The following SOX6 variants were observed in gnomAD, a reference collection of about 807,000 sequenced individuals.
SOX6 encodes transcription factor SOX-6.
Under a neutral mutation model 97.8 loss-of-function variants are expected in SOX6, and 11 were observed. The observed-to-expected ratio is 0.11, with a 90% CI of 0.07 to 0.19. SOX6 has a LOEUF of 0.19. Among genes scored for constraint, SOX6 ranks in the 10% least tolerant of loss-of-function variants. The probability of loss-of-function intolerance (pLI) is 1.00; values close to 1 mark genes in which losing one functional copy is unlikely to be tolerated. For synonymous variants in SOX6, 360 were observed against 371.4 expected (o/e 0.97, Z 0.35); for missense variants, 810 against 1,039.5 (o/e 0.78, Z 3.04).
chr11:16,057,284 C>G (rs759777450), intron 9 of SOX6, among the ~76,000 whole-genome samples: 5 of 152,104 alleles, frequency 3.3e-5, no homozygotes, highest in Non-Finnish European at 7.4e-5. Context: ...TTAGTGTTTA[C>G]TGTTTTATAT....
intron 13 of SOX6, among the ~76,000 whole-genome samples, chr11:16,014,471 T>C (rs541095076): frequency 6.6e-6 from 1 of 152,230 alleles, no homozygotes; most frequent in East Asian, 1.9e-4. Context: ...TTGGATATGC[T>C]AAATATTCTG....
intron 13 of SOX6, among the ~76,000 whole-genome samples, chr11:15,993,035 C>T (rs541509342): frequency 2.0e-5 from 3 of 152,190 alleles, no homozygotes; most frequent in East Asian, 3.9e-4. Flanking sequence ...CTAAACTTTG[C>T]TTCTGAAACA....
intron 3 of SOX6, among the ~76,000 whole-genome samples, chr11:16,236,709 A>T (rs1853035601): frequency 6.6e-6 from 1 of 151,966 alleles, no homozygotes; most frequent in African/African-American, 2.4e-5. Flanking sequence ...GCATTTTAGG[A>T]TGTAAAACAG....
chr11:16,029,962 A>G (rs1286841272), intron 12 of SOX6, among the ~76,000 whole-genome samples: 1 of 152,226 alleles, frequency 6.6e-6, no homozygotes, highest in Non-Finnish European at 1.5e-5. Context: ...GATTAAATAA[A>G]ACTCATATTT....
intron 1 of SOX6, among the ~76,000 whole-genome samples, chr11:16,341,589 G>A (rs555306626): frequency 4.7e-4 from 72 of 152,158 alleles, no homozygotes; most frequent in South Asian, 3.7e-3. Flanking sequence ...CTTCTTGAAA[G>A]TATTTAGGGT....
chr11:16,645,340 G>T (rs963609721), intron 3 of SOX6, among the ~76,000 whole-genome samples: 44 of 152,146 alleles, frequency 2.9e-4, no homozygotes, highest in African/African-American at 1.0e-3. Context: ...CAGGTTCCTA[G>T]AATAGTTTTT....
At chr11:16,011,438 T>C (rs1292793349) in intron 13 of SOX6, among the ~76,000 whole-genome samples, 1 of 152,148 alleles carries the variant, frequency 6.6e-6, no homozygotes, top group Non-Finnish European at 1.5e-5. Flanking sequence ...AAATAACAGC[T>C]GGACTTTAAA....
chr11:16,474,832 G>T (rs966986278), intron 1 of SOX6, among the ~76,000 whole-genome samples: 1 of 152,058 alleles, frequency 6.6e-6, no homozygotes, highest in Non-Finnish European at 1.5e-5. Context: ...TTTCCTCTCT[G>T]GCCATCAAAG....
At chr11:16,538,453 A>G (rs900355769) in intron 4 of SOX6, among the ~76,000 whole-genome samples, 4 of 152,236 alleles carry the variant, frequency 2.6e-5, no homozygotes, top group African/African-American at 9.6e-5. Context: ...TCATAATGAC[A>G]GGATCAAATT....
chr11:16,709,902 C>G (rs1848164751), intron 3 of SOX6, among the ~76,000 whole-genome samples: 2 of 152,168 alleles, frequency 1.3e-5, no homozygotes, highest in Non-Finnish European at 2.9e-5. Flanking sequence ...TTCTCCTCTA[C>G]CAGCCATCCA....
chr11:16,555,490 T>C (rs1188672922), intron 4 of SOX6, among the ~76,000 whole-genome samples: 2 of 151,700 alleles, frequency 1.3e-5, no homozygotes, highest in Non-Finnish European at 3.0e-5. Flanking sequence ...CATGTGATAT[T>C]TTGATACCTG....
chr11:16,296,192 ATTATAAGTACTGAGTTT>A (rs2134266075), intron 3 of SOX6, among the ~76,000 whole-genome samples: 1 of 152,256 alleles, frequency 6.6e-6, no homozygotes, highest in African/African-American at 2.4e-5. Flanking sequence ...TCATAATTCA[ATTATAAGTACTGAGTTT>A]TAAGCCACAA....
chr11:16,601,308 G>C (rs1488355539), intron 4 of SOX6, among the ~76,000 whole-genome samples: 1 of 152,108 alleles, frequency 6.6e-6, no homozygotes, highest in African/African-American at 2.4e-5. Context: ...TAAGTTATCT[G>C]TGTTTTATCA....
chr11:16,010,301 A>G (rs1480920119), intron 13 of SOX6, among the ~76,000 whole-genome samples: 3 of 152,040 alleles, frequency 2.0e-5, no homozygotes, highest in African/African-American at 7.2e-5. Flanking sequence ...CTTGGTACAC[A>G]TATCTATTTC....
At chr11:16,640,795 C>T (rs1205184279) in intron 3 of SOX6, among the ~76,000 whole-genome samples, 1 of 152,044 alleles carries the variant, frequency 6.6e-6, no homozygotes, top group Non-Finnish European at 1.5e-5. Context: ...TTTAATTCTT[C>T]TCTCTTTTCT....
chr11:15,987,240 A>C (rs2119818810), intron 14 of SOX6, among the ~76,000 whole-genome samples: 1 of 152,292 alleles, frequency 6.6e-6, no homozygotes, highest in South Asian at 2.1e-4. Flanking sequence ...GATGTTAGCG[A>C]TTCTTCAGTG....
intron 6 of SOX6, among the ~76,000 whole-genome samples, chr11:16,183,582 T>C (rs1348542221): frequency 6.6e-6 from 1 of 151,916 alleles, no homozygotes. Flanking sequence ...TCAGTGGCAA[T>C]AAAAAATACC....
chr11:16,103,072 C>T (rs1347056509), intron 7 of SOX6, among the ~76,000 whole-genome samples: 1 of 152,002 alleles, frequency 6.6e-6, no homozygotes, highest in Non-Finnish European at 1.5e-5. Flanking sequence ...AAGAAATAAT[C>T]AGCAGAGTTA....
At chr11:15,997,945 T>C (rs1854277861) in intron 13 of SOX6, among the ~76,000 whole-genome samples, 1 of 151,998 alleles carries the variant, frequency 6.6e-6, no homozygotes, top group African/African-American at 2.4e-5. Flanking sequence ...CCAGGCATGG[T>C]GGCGTGTGCC....
Sources: allele counts gnomAD v4.1 joint callset (sites outside exome capture counted in the v4.1 genomes callset), GRCh38; gene constraint gnomAD v4.1.1; transcripts MANE v1.5; gene names NCBI Gene and HGNC (gene_info 2026-07-23, HGNC 2026-07-21).